Variants in SEMA6D observed in about 807,000 individuals in gnomAD.
The protein encoded by SEMA6D is semaphorin-6D.
Under a neutral mutation model 106.6 loss-of-function variants are expected in SEMA6D, and 35 were observed. The observed-to-expected ratio is 0.33, with a 90% confidence interval of 0.25 to 0.44. SEMA6D has a LOEUF of 0.44. SEMA6D is among the 20% of genes least tolerant of loss of function. The pLI, the probability that SEMA6D is intolerant of heterozygous loss-of-function variation, is 1.00. For synonymous variants in SEMA6D, 499 were observed against 487.7 expected (o/e 1.02, Z -0.31); for missense variants, 1,185 against 1,345.9 (o/e 0.88, Z 1.87).
intron 1 of SEMA6D, among the ~76,000 whole-genome samples, chr15:47,361,365 C>T (rs1264716074): frequency 1.3e-5 from 2 of 152,210 alleles, no homozygotes; most frequent in Non-Finnish European, 2.9e-5. Context: ...TTATTATTCC[C>T]TGAGTCACAT....
At chr15:47,352,273 A>G (rs2038355635) in intron 1 of SEMA6D, among the ~76,000 whole-genome samples, 1 of 152,202 alleles carries the variant, frequency 6.6e-6, no homozygotes, top group African/African-American at 2.4e-5. Context: ...TAATGGACTG[A>G]TTTCCATCAA....
intron 4 of SEMA6D, among the ~76,000 whole-genome samples, chr15:47,704,217 C>T (rs2078869998): frequency 6.6e-6 from 1 of 152,080 alleles, no homozygotes; most frequent in Non-Finnish European, 1.5e-5. Flanking sequence ...AACTCTTGAA[C>T]TCAAGCAATG....
intron 1 of SEMA6D, among the ~76,000 whole-genome samples, chr15:47,738,197 G>C (rs367914474): frequency 9.9e-5 from 15 of 152,088 alleles, no homozygotes; most frequent in East Asian, 5.8e-4. Context: ...TCCCCTCTCT[G>C]TGTCCACGTG....
intron 1 of SEMA6D, among the ~76,000 whole-genome samples, chr15:47,315,118 G>A (rs192300724): frequency 4.0e-5 from 6 of 151,882 alleles, no homozygotes; most frequent in East Asian, 3.9e-4. Flanking sequence ...CGCCTGCCTC[G>A]GCCTCCCAAA....
intron 3 of SEMA6D, among the ~76,000 whole-genome samples, chr15:47,503,668 G>A (rs1015497032): frequency 6.8e-6 from 1 of 146,188 alleles, no homozygotes; most frequent in African/African-American, 2.6e-5. Flanking sequence ...TGCACATGCA[G>A]GGGTGCTCTC....
intron 3 of SEMA6D, among the ~76,000 whole-genome samples, chr15:47,559,171 A>G (rs1373906326): frequency 6.6e-6 from 1 of 152,112 alleles, no homozygotes; most frequent in Non-Finnish European, 1.5e-5. Flanking sequence ...CAAAGAGTCA[A>G]TGCCCAATGC....
intron 2 of SEMA6D, among the ~76,000 whole-genome samples, chr15:47,443,612 C>T (rs1159502866): frequency 1.3e-5 from 2 of 152,058 alleles, no homozygotes; most frequent in Non-Finnish European, 1.5e-5. Flanking sequence ...TTCTTACAAA[C>T]CATGGGAGAT....
intron 2 of SEMA6D, among the ~76,000 whole-genome samples, chr15:47,431,663 A>G (rs2041527668): frequency 6.6e-6 from 1 of 152,124 alleles, no homozygotes; most frequent in South Asian, 2.1e-4. Context: ...GCATGTGCAT[A>G]TGAGTGAATC....
At chr15:47,437,516 C>A (rs1452830665) in intron 2 of SEMA6D, among the ~76,000 whole-genome samples, 1 of 152,016 alleles carries the variant, frequency 6.6e-6, no homozygotes, top group Non-Finnish European at 1.5e-5. Context: ...AATATTAATC[C>A]TTTTCCTTCA....
chr15:47,536,855 C>T (rs2045183063), intron 3 of SEMA6D, among the ~76,000 whole-genome samples: 1 of 152,172 alleles, frequency 6.6e-6, no homozygotes, highest in Non-Finnish European at 1.5e-5. Context: ...ACCCAACTCA[C>T]CCAAGCCATC....
At chr15:47,734,696 G>T (rs890378942) in intron 1 of SEMA6D, among the ~76,000 whole-genome samples, 5 of 152,230 alleles carry the variant, frequency 3.3e-5, no homozygotes, top group Non-Finnish European at 5.9e-5. Context: ...GAACATGGCT[G>T]GTAATCTTGA....
chr15:47,356,854 G>T (rs1227806298), intron 1 of SEMA6D, among the ~76,000 whole-genome samples: 3 of 151,864 alleles, frequency 2.0e-5, no homozygotes, highest in African/African-American at 7.3e-5. Context: ...TGAACTCTCT[G>T]CCCAATACAC....
At chr15:47,193,866 T>C (rs1423113051) in intron 1 of SEMA6D, among the ~76,000 whole-genome samples, 1 of 152,164 alleles carries the variant, frequency 6.6e-6, no homozygotes, top group Non-Finnish European at 1.5e-5. Flanking sequence ...TTATTCCTTA[T>C]TGTCTCTTTA....
At chr15:47,248,981 A>G (rs932192807) in intron 1 of SEMA6D, among the ~76,000 whole-genome samples, 3 of 152,130 alleles carry the variant, frequency 2.0e-5, no homozygotes, top group African/African-American at 7.2e-5. Context: ...TAATCCTAGC[A>G]CTTTGGGAGG....
intron 1 of SEMA6D, among the ~76,000 whole-genome samples, chr15:47,268,980 A>T (rs2034442393): frequency 6.6e-6 from 1 of 152,130 alleles, no homozygotes; most frequent in African/African-American, 2.4e-5. Context: ...TATTCACACA[A>T]ACTAAATTTG....
intron 2 of SEMA6D, among the ~76,000 whole-genome samples, chr15:47,418,915 G>A (rs1431008807): frequency 6.6e-6 from 1 of 152,176 alleles, no homozygotes; most frequent in Non-Finnish European, 1.5e-5. Flanking sequence ...AGTCACATTA[G>A]ACTGCGTAAG....
At chr15:47,236,702 G>GCTA (rs1371161940) in intron 1 of SEMA6D, among the ~76,000 whole-genome samples, 18 of 152,112 alleles carry the variant, frequency 1.2e-4, no homozygotes, top group African/African-American at 4.3e-4. Context: ...ATGTAGTTAG[G>GCTA]CTAAGGTCAA....
At chr15:47,326,065 A>C (rs945031882) in intron 1 of SEMA6D, among the ~76,000 whole-genome samples, 1 of 151,978 alleles carries the variant, frequency 6.6e-6, no homozygotes, top group South Asian at 2.1e-4. Flanking sequence ...GCTGCTGTCC[A>C]CTCTTCCCAG....
chr15:47,576,963 T>C lies in SEMA6D; in HGVS notation c.-86-23902T>C, dbSNP rs2076165945. Among the ~76,000 whole-genome samples the C allele has an allele frequency of 7.9e-5, 12 of 152,352 alleles. No individual in the cohort carries two copies. The South Asian group carries it at 2.3e-3, about 29-fold the overall frequency. On this transcript the variant is annotated intron_variant, in intron 3 of 19. Coordinates refer to the SEMA6D transcript ENST00000558014. ...CTACAGAAATACATCTTGGTACTTA[T>C]GCACACATGGAATGCTTGCTATTAC...
Sources: allele counts gnomAD v4.1 joint callset (sites outside exome capture counted in the v4.1 genomes callset), GRCh38; gene constraint gnomAD v4.1.1; transcripts MANE v1.5; gene names NCBI Gene and HGNC (gene_info 2026-07-23, HGNC 2026-07-21).